The following AGPAT4 variants were observed in gnomAD, a reference collection of about 807,000 sequenced individuals.
AGPAT4 encodes 1-acylglycerol-3-phosphate O-acyltransferase 4.
A neutral mutation model predicts 48.0 loss-of-function variants in AGPAT4; 15 were observed. The observed-to-expected ratio is 0.31, with a 90% CI of 0.21 to 0.48. The LOEUF (loss-of-function observed/expected upper bound fraction) is 0.48. AGPAT4 is among the 20% of genes least tolerant of loss of function. AGPAT4 has a pLI of 0.99. For synonymous variants in AGPAT4, 178 were observed against 198.7 expected (o/e 0.90, Z 0.88); for missense variants, 314 against 482.5 (o/e 0.65, Z 3.27).
rs766524380 is a variant in AGPAT4 at position 161,259,105 on chromosome 6, C to A, written c.-90+14833G>T. On this transcript the variant is annotated intron_variant, in intron 1 of 8. Coordinates refer to ENST00000320285, the MANE Select transcript of AGPAT4 (RefSeq NM_020133.3). The surrounding 1 kb of genome is among the most constrained non-coding windows in gnomAD (Gnocchi z 4.9). The stretch of plus-strand genomic sequence containing the variant: ...GAGCCACGGTACCCGGCCTTAAATT[C>A]TTTTCAATTGACAAATAAAAATTGT... Among the ~76,000 whole-genome samples the A allele has an allele frequency of 8.5e-5, 13 of 152,204 alleles. No individual in the cohort carries two copies. Among genetic ancestry groups the A allele is most frequent in the Non-Finnish European group, 1.6e-4 (11 of 68,008 alleles).
At chr6:161,194,632 G>A (rs902788698) in intron 2 of AGPAT4, among the ~76,000 whole-genome samples, 1 of 145,908 alleles carries the variant, frequency 6.9e-6, no homozygotes, top group South Asian at 2.1e-4. Flanking sequence ...GTGTGTATGT[G>A]TATGTGTGTA....
Position 161,254,507 on chromosome 6 carries a change from G to C in AGPAT4, c.-90+19431C>G, listed in dbSNP as rs781428602. Among the ~76,000 whole-genome samples, 3 of 152,322 alleles carry C rather than the reference G, an allele frequency of 2.0e-5. No individual in the cohort carries two copies. Among genetic ancestry groups the C allele is most frequent in the Non-Finnish European group, 4.4e-5 (3 of 68,032 alleles). Reference sequence around the variant, plus strand: ...AACTCGTTCAGCGAATATTTATAGAGCCTCTACCGCGTGGCCCTGGTGATC... The same window carrying C: ...AACTCGTTCAGCGAATATTTATAGACCCTCTACCGCGTGGCCCTGGTGATC... On this transcript the variant is annotated intron_variant, in intron 1 of 8. Coordinates refer to ENST00000320285, the MANE Select transcript of AGPAT4 (RefSeq NM_020133.3). The surrounding 1 kb of genome is among the most constrained non-coding windows in gnomAD (Gnocchi z 5.9).
rs568769492 is a variant in AGPAT4 at position 161,270,852 on chromosome 6, T to C, written c.-90+3086A>G. 6.6e-6 allele frequency among the ~76,000 whole-genome samples: 1 copy of C among 152,286 alleles called. No homozygotes were observed. Among genetic ancestry groups the C allele is most frequent in the Non-Finnish European group, 1.5e-5 (1 of 68,016 alleles). Reference sequence around the variant, plus strand: ...ACCTCCTTTCCAGAATAAAGGAGACTGCACAAAACGTGTGACATTTACCAA... The same window carrying C: ...ACCTCCTTTCCAGAATAAAGGAGACCGCACAAAACGTGTGACATTTACCAA... On this transcript the variant is annotated intron_variant, in intron 1 of 8. Coordinates refer to ENST00000320285, the MANE Select transcript of AGPAT4 (RefSeq NM_020133.3). This position sits in a 1 kb window ranked among gnomAD's most constrained non-coding sequence, Gnocchi z 5.3.
chr6:161,209,141 T>A (rs1209951343), intron 2 of AGPAT4, among the ~76,000 whole-genome samples: 1 of 152,188 alleles, frequency 6.6e-6, no homozygotes, highest in Non-Finnish European at 1.5e-5. Flanking sequence ...GCATTCCTCA[T>A]CGAAGTGGAA....
rs139714731 is a variant in AGPAT4 at position 161,267,802 on chromosome 6, G to A, written c.-90+6136C>T. ...TCCCAGCTACTTGGGAAGCTGAAGC[G>A]GGAGGATTGCTTGAGCCCAGGAATT... On this transcript the variant is annotated intron_variant, in intron 1 of 8. Transcript: ENST00000320285. This position sits in a 1 kb window ranked among gnomAD's most constrained non-coding sequence, Gnocchi z 5.2. Among the ~76,000 whole-genome samples the A allele has an allele frequency of 1.4e-3, 220 of 152,246 alleles. No homozygotes were observed. The highest frequency in any genetic ancestry group is 3.9e-3 in the African/African-American group (160 of 41,552).
chr6:161,168,494 A>T (rs1209437316), intron 2 of AGPAT4, among the ~76,000 whole-genome samples: 2 of 152,050 alleles, frequency 1.3e-5, no homozygotes, highest in Non-Finnish European at 2.9e-5. Context: ...CTGTGACCAC[A>T]GCGTGAGGTT....
Position 161,212,446 on chromosome 6 carries a change from G to A in AGPAT4, c.178+19590C>T, listed in dbSNP as rs1470771935. On this transcript the variant is annotated intron_variant, in intron 2 of 8. Coordinates refer to ENST00000320285, the MANE Select transcript of AGPAT4 (RefSeq NM_020133.3). This position sits in a 1 kb window ranked among gnomAD's most constrained non-coding sequence, Gnocchi z 6.1. Reference sequence around the variant, plus strand: ...TTTTCTTACCTAATTAATCCTTTAAGACATTAGATTCCCTAAAGTCCAAAA... The same window carrying A: ...TTTTCTTACCTAATTAATCCTTTAAAACATTAGATTCCCTAAAGTCCAAAA... 6.6e-6 allele frequency among the ~76,000 whole-genome samples: 1 copy of A among 152,008 alleles called. No individual in the cohort carries two copies. Among genetic ancestry groups the A allele is most frequent in the Non-Finnish European group, 1.5e-5 (1 of 67,984 alleles).
intron 2 of AGPAT4, among the ~76,000 whole-genome samples, chr6:161,227,061 G>C (rs779239802): frequency 6.6e-6 from 1 of 152,214 alleles, no homozygotes; most frequent in East Asian, 1.9e-4. Flanking sequence ...CACCTAGCAG[G>C]TCAGCTAGCA....
rs1028184144 is a variant in AGPAT4, at chr6:161,234,491, A to G, written c.-89-2189T>C. Among the ~76,000 whole-genome samples, 5 of 152,188 alleles carry G rather than the reference A, an allele frequency of 3.3e-5. No homozygotes were observed. The highest frequency in any genetic ancestry group is 7.3e-5 in the Non-Finnish European group (5 of 68,044). The stretch of plus-strand genomic sequence containing the variant: ...CTGGAAAACTCCTTACTGAGTTTCA[A>G]CACTCCCAGGCTCCCACTGAGGAAT... On this transcript the variant is annotated intron_variant, in intron 1 of 8. Transcript: ENST00000320285. The surrounding 1 kb of genome is among the most constrained non-coding windows in gnomAD (Gnocchi z 4.4).
rs1374124563 is a variant in AGPAT4 at position 161,189,136 on chromosome 6, C to CT, written c.179-22720dup. The stretch of plus-strand genomic sequence containing the variant: ...GCCAGGGTTTCATCTACCAGGTGAG[C>CT]TTTATCTAATCAAGCTATGAGGCTG... On this transcript the variant is annotated intron_variant, in intron 2 of 8. Coordinates refer to ENST00000320285, the MANE Select transcript of AGPAT4 (RefSeq NM_020133.3). This position sits in a 1 kb window ranked among gnomAD's most constrained non-coding sequence, Gnocchi z 5.3. Among the ~76,000 whole-genome samples the CT allele has an allele frequency of 1.3e-5, 2 of 152,212 alleles. No homozygotes were observed. The highest frequency in any genetic ancestry group is 4.8e-5 in the African/African-American group (2 of 41,452).
At position 161,243,703 on chromosome 6, in the gene AGPAT4, G is replaced by A. The variant is rs983146203; in HGVS notation, c.-89-11401C>T. 6.6e-6 allele frequency among the ~76,000 whole-genome samples: 1 copy of A among 152,112 alleles called. No individual in the cohort carries two copies. The highest frequency in any genetic ancestry group is 2.4e-5 in the African/African-American group (1 of 41,428). On this transcript the variant is annotated intron_variant, in intron 1 of 8. Coordinates refer to ENST00000320285, the MANE Select transcript of AGPAT4 (RefSeq NM_020133.3). This position sits in a 1 kb window ranked among gnomAD's most constrained non-coding sequence, Gnocchi z 4.8. Reference sequence around the variant, plus strand: ...CCCCTGCCTCTCTCCCGGGCTGACCGGTCTCCTCCTTCCCTTGACCCCTTC... The same window carrying A: ...CCCCTGCCTCTCTCCCGGGCTGACCAGTCTCCTCCTTCCCTTGACCCCTTC...
chr6:161,167,122 T>G (rs1035549445), intron 2 of AGPAT4, among the ~76,000 whole-genome samples: 1 of 152,208 alleles, frequency 6.6e-6, no homozygotes, highest in Non-Finnish European at 1.5e-5. Context: ...GGGTAGAAAC[T>G]GTCCAGAAAA....
At chr6:161,209,350 G>A (rs1008797972) in intron 2 of AGPAT4, among the ~76,000 whole-genome samples, 1 of 152,148 alleles carries the variant, frequency 6.6e-6, no homozygotes. Flanking sequence ...TGGATAAAAG[G>A]GCTTCATTAC....
Position 161,266,793 on chromosome 6 carries a change from T to A in AGPAT4, c.-90+7145A>T, listed in dbSNP as rs886852337. The stretch of plus-strand genomic sequence containing the variant: ...ATCCTGGGAAGAAGATGTGCTTGCA[T>A]AGACAGATAGTTCTTTAAAATTTCA... On this transcript the variant is annotated intron_variant, in intron 1 of 8. Coordinates refer to ENST00000320285, the MANE Select transcript of AGPAT4 (RefSeq NM_020133.3). The surrounding 1 kb of genome is among the most constrained non-coding windows in gnomAD (Gnocchi z 6.2). 6.6e-6 allele frequency among the ~76,000 whole-genome samples: 1 copy of A among 152,196 alleles called. No homozygotes were observed. Among genetic ancestry groups the A allele is most frequent in the Non-Finnish European group, 1.5e-5 (1 of 68,034 alleles).
rs1470479094 is a variant in AGPAT4 at position 161,149,788 on chromosome 6, C to T, written c.665-499G>A. On this transcript the variant is annotated intron_variant, in intron 5 of 8. Transcript: ENST00000320285. This position sits in a 1 kb window ranked among gnomAD's most constrained non-coding sequence, Gnocchi z 6.5. ...AACTCCTGACCTCAAGTGCTCTGCCCGCCTCAGCCTCCCAAAGTGCTGGGA... is the reference window on the plus strand; with the variant it reads ...AACTCCTGACCTCAAGTGCTCTGCCTGCCTCAGCCTCCCAAAGTGCTGGGA... Among the ~76,000 whole-genome samples the T allele has an allele frequency of 6.6e-6, 1 of 152,058 alleles. No homozygotes were observed. The highest frequency in any genetic ancestry group is 1.5e-5 in the Non-Finnish European group (1 of 68,006).
chr6:161,268,899 C>T lies in AGPAT4; in HGVS notation c.-90+5039G>A, dbSNP rs996582962. 2.0e-5 allele frequency among the ~76,000 whole-genome samples: 3 copies of T among 152,134 alleles called. No homozygotes were observed. The East Asian group carries it at 5.8e-4, about 29-fold the overall frequency. ...GCTGCAACGAGGTCTCAACACTGTT[C>T]GTGTTGGGTCTCTAGAGCCACCACT... On this transcript the variant is annotated intron_variant, in intron 1 of 8. Transcript: ENST00000320285.
Position 161,166,439 on chromosome 6 carries a change from A to G in AGPAT4, c.179-22T>C. The stretch of plus-strand genomic sequence containing the variant: ...AGCTCTGGAACAAACCACAACAGAC[A>G]GATGTTTACTACATGCAGCCTTGTC... On this transcript the variant is annotated intron_variant, in intron 2 of 8. Transcript: ENST00000320285. The surrounding 1 kb of genome is among the most constrained non-coding windows in gnomAD (Gnocchi z 6.7). The G allele has an allele frequency of 6.3e-7, 1 of 1,581,160 alleles. No individual in the cohort carries two copies. Among genetic ancestry groups the G allele is most frequent in the Non-Finnish European group, 8.6e-7 (1 of 1,162,392 alleles).
chr6:161,150,959 G>A (rs1000343536), intron 5 of AGPAT4, among the ~76,000 whole-genome samples: 2 of 152,160 alleles, frequency 1.3e-5, no homozygotes, highest in Non-Finnish European at 2.9e-5. Context: ...AACAGAAGAG[G>A]CTGACTCTGG....
Position 161,262,402 on chromosome 6 carries a change from A to G in AGPAT4, c.-90+11536T>C, listed in dbSNP as rs1280521881. Among the ~76,000 whole-genome samples, 1 of 152,070 alleles carries G rather than the reference A, an allele frequency of 6.6e-6. No homozygotes were observed. The highest frequency in any genetic ancestry group is 2.4e-5 in the African/African-American group (1 of 41,416). On this transcript the variant is annotated intron_variant, in intron 1 of 8. Coordinates refer to ENST00000320285, the MANE Select transcript of AGPAT4 (RefSeq NM_020133.3). This position sits in a 1 kb window ranked among gnomAD's most constrained non-coding sequence, Gnocchi z 4.9. Reference sequence around the variant, plus strand: ...CGTCTGTCCCTGCCACACAGGGGCTACTTCCCACTGCTGTGTGTGAGCTCC... The same window carrying G: ...CGTCTGTCCCTGCCACACAGGGGCTGCTTCCCACTGCTGTGTGTGAGCTCC...
Sources: gnomAD v4.1 joint callset for allele counts (sites outside exome capture counted in the v4.1 genomes callset) on GRCh38, gnomAD v4.1.1 for gene constraint, Gnocchi (gnomAD v3.1) non-coding constraint, MANE v1.5 for transcripts, NCBI Gene and HGNC (gene_info 2026-07-23, HGNC 2026-07-21) for gene names.